CLEC18A: variants seen among roughly 807,000 people sequenced by gnomAD.
The protein encoded by CLEC18A is mannose receptor-like 1.
CLEC18A carries 5 observed loss-of-function variants against 24.0 expected under a neutral mutation model. That is an observed-to-expected ratio of 0.21 (90% CI 0.11 to 0.44). The LOEUF (loss-of-function observed/expected upper bound fraction) is 0.44. Ranked by LOEUF, CLEC18A falls within the 20% of genes least tolerant of loss-of-function variation. The pLI is 0.99. For synonymous variants in CLEC18A, 29 were observed against 100.1 expected, an observed-to-expected ratio of 0.29 and a Z score of 4.24; for missense variants, 83 against 233.4, an observed-to-expected ratio of 0.36 and a Z score of 4.20.
At chr16:69,946,326 G>A (rs548898639), upstream of CLEC18A, among the ~76,000 whole-genome samples, 3 of 140,840 alleles carry the variant, frequency 2.1e-5, no homozygotes, top group South Asian at 6.8e-4. Context: ...AATGTGAAAT[G>A]TCTATGCATT....
At chr16:69,954,181 G>A (rs1225176712) in intron 2 of CLEC18A, among the ~76,000 whole-genome samples, 153 bp from the exon 3 acceptor site, 1 of 144,524 alleles carries the variant, frequency 6.9e-6, no homozygotes, top group Non-Finnish European at 1.5e-5. Flanking sequence ...GACAACACCA[G>A]TGCTTCCTCC....
At chr16:69,943,581 A>G in the CLEC18A span, among the ~76,000 whole-genome samples, 1 of 152,226 alleles carries the variant, frequency 6.6e-6, no homozygotes, top group Non-Finnish European at 1.5e-5. Flanking sequence ...TATTCCACTT[A>G]ACATAATGTC....
intron 3 of CLEC18A, among the ~76,000 whole-genome samples, chr16:69,955,892 C>A (rs2059027862): frequency 6.6e-6 from 1 of 151,948 alleles, no homozygotes; most frequent in Non-Finnish European, 1.5e-5. Context: ...AAAACACAAG[C>A]AAAATCCCAG....
At chr16:69,944,677 A>G in the CLEC18A span, among the ~76,000 whole-genome samples, 1 of 150,554 alleles carries the variant, frequency 6.6e-6, no homozygotes, top group African/African-American at 2.5e-5. Flanking sequence ...TCTACTAAAG[A>G]TACAAAAAGT....
intron 2 of CLEC18A, chr16:69,953,795 A>G (rs1358877706): frequency 6.5e-6 from 1 of 153,534 alleles, no homozygotes; most frequent in African/African-American, 2.9e-5. Flanking sequence ...AGCCTGGGCG[A>G]CAGGGTGAGA....
At chr16:69,966,532 G>A (rs1173727332), downstream of CLEC18A, among the ~76,000 whole-genome samples, 1 of 144,378 alleles carries the variant, frequency 6.9e-6, no homozygotes, top group Admixed American at 7.0e-5. Context: ...CCATGGCAAC[G>A]CCAGAATGTT....
chr16:69,944,602 G>A, the CLEC18A span, among the ~76,000 whole-genome samples: 1 of 151,950 alleles, frequency 6.6e-6, no homozygotes, highest in Non-Finnish European at 1.5e-5. Context: ...CACTTTGGGA[G>A]GCCAAGGCAG....
At chr16:69,954,766 C>T (rs1387745480) in intron 3 of CLEC18A, among the ~76,000 whole-genome samples, 193 bp downstream of exon 3, 55 of 152,092 alleles carry the variant, frequency 3.6e-4, no homozygotes, top group South Asian at 8.3e-4. Context: ...GGCGTGATCT[C>T]GGCTCACTGC....
chr16:69,954,495 A>G lies in CLEC18A; in HGVS notation c.378A>G (p.Leu126=), dbSNP rs1301660629. 1.4e-5 allele frequency: 23 copies of G among 1,612,220 alleles called. No individual in the cohort carries two copies. Among genetic ancestry groups the G allele is most frequent in the East Asian group, 4.5e-5 (2 of 44,882 alleles). ...GLVSFVEVVS[L]WFAEGQRYSH... is the part of the protein sequence containing the mutation. ...TGTCCTTTGTCGAAGTGGTCAGCCT[A>G]TGGTTTGCAGAGGGGCAGCGGTACA... Residue 126 remains leucine, a synonymous_variant, in exon 3 of 12, where the codon CTA becomes CTG. Coordinates refer to ENST00000288040, the MANE Select transcript of CLEC18A (RefSeq NM_001370523.4).
At chr16:69,954,864 A>C (rs559578560) in intron 3 of CLEC18A, among the ~76,000 whole-genome samples, 2 of 152,096 alleles carry the variant, frequency 1.3e-5, no homozygotes, top group East Asian at 3.9e-4. Flanking sequence ...GGCCTGGCTA[A>C]TGGCTTTATA....
downstream of CLEC18A, among the ~76,000 whole-genome samples, chr16:69,965,195 G>A (rs1959336811): frequency 6.6e-6 from 1 of 151,830 alleles, no homozygotes. Flanking sequence ...GACCTACGCG[G>A]GGTGATCACA....
Position 69,954,381 on chromosome 16 carries a change from C to G in CLEC18A, c.264C>G (p.Leu88=), listed in dbSNP as rs1265660507. The G allele has an allele frequency of 1.2e-6, 2 of 1,609,156 alleles. No homozygotes were observed. Among genetic ancestry groups the G allele is most frequent in the Admixed American group, 3.4e-5 (2 of 59,602 alleles). ...LAQLAQARAA[L]CGTPTPSLAS... ...AGCTGGCTCAAGCCAGGGCAGCCCT[C>G]TGTGGAACCCCAACCCCGAGCCTGG... Residue 88 remains leucine (L), a synonymous_variant, in exon 3 of 12, where the codon CTC becomes CTG. Coordinates refer to ENST00000288040, the MANE Select transcript of CLEC18A (RefSeq NM_001370523.4).
intron 3 of CLEC18A, among the ~76,000 whole-genome samples, chr16:69,955,509 C>T (rs915444562): frequency 5.5e-4 from 83 of 151,440 alleles, no homozygotes; most frequent in African/African-American, 2.0e-3. Context: ...AGCCACCACA[C>T]CCCACTAATT....
At chr16:69,949,187 A>G (rs2058922255), upstream of CLEC18A, among the ~76,000 whole-genome samples, 1 of 107,654 alleles carries the variant, frequency 9.3e-6, no homozygotes, top group Non-Finnish European at 1.8e-5. Flanking sequence ...CCTGACCTCA[A>G]GTGATCCGCC....
Position 69,954,107 on chromosome 16 carries a change from C to T in CLEC18A, c.217-227C>T, listed in dbSNP as rs1358030243. 3.6e-5 allele frequency among the ~76,000 whole-genome samples: 5 copies of T among 137,912 alleles called. No individual in the cohort carries two copies. In the East Asian group the frequency reaches 6.3e-4, roughly 17 times the overall value. The allele number at this position is 137,912 out of a possible 152,430, so 90.5% of individuals were successfully genotyped here. A position where few individuals can be genotyped will look rare whatever the true frequency, so the allele number is the denominator to read the frequency against. On this transcript the variant is annotated intron_variant, in intron 2 of 11. Transcript: ENST00000288040. ...CCTGGGCAGGGCCGAAGGATGCCCA[C>T]GACAGGATTTGGAGATGGAGGCTCA...
In CLEC18A at chr16:69,953,859, T is replaced by C. The variant is rs1479728631; in HGVS notation, c.217-475T>C. ...AAGAGGGAGGGGGCGGGGTCAGCTG[T>C]GCGTGGTGGGGAGCATATGAGGCCG... On this transcript the variant is annotated intron_variant, in intron 2 of 11. Transcript: ENST00000288040. 1.5e-5 allele frequency: 3 copies of C among 195,236 alleles called. No individual in the cohort carries two copies. The East Asian group carries it at 3.6e-4, about 24-fold the overall frequency. The allele number at this position is 195,236 out of a possible 1,614,324, so 12.1% of individuals were successfully genotyped here. A position where few individuals can be genotyped will look rare whatever the true frequency, so the allele number is the denominator to read the frequency against.
At chr16:69,948,374 G>GTT (rs59792189), upstream of CLEC18A, among the ~76,000 whole-genome samples, 94,523 of 126,224 alleles carry the variant, frequency 0.75, 35,711 homozygotes, top group East Asian at 0.93. Context: ...AGAGTTAAAT[G>GTT]TTTTTTTTGT....
At chr16:69,964,467 C>CATTT, downstream of CLEC18A, 1 of 131,446 alleles carries the variant, frequency 7.6e-6, no homozygotes, top group South Asian at 2.5e-4. Context: ...GTCTGGCTGT[C>CATTT]ATTTATTTAT....
rs548349245 is a variant in CLEC18A, at chr16:69,953,894, G to A, written c.217-440G>A. ...GGAGCATATGAGGCCGGGCTCCTGG[G>A]GGCAGGAGACTAGGGCAGAGAGGCG... is the stretch of plus-strand genomic sequence containing the variant. On this transcript the variant is annotated intron_variant, in intron 2 of 11. Coordinates refer to ENST00000288040, the MANE Select transcript of CLEC18A (RefSeq NM_001370523.4). The A allele has an allele frequency of 1.7e-3, 500 of 298,986 alleles. 3 individuals carry two copies. Among genetic ancestry groups the A allele is most frequent in the Non-Finnish European group, 2.2e-3 (336 of 155,612 alleles). 18.5% of individuals were successfully genotyped at this position (298,986 alleles called of 1,614,324 possible).
Sources: gnomAD v4.1 joint callset for allele counts (sites outside exome capture counted in the v4.1 genomes callset) on GRCh38, gnomAD v4.1.1 for gene constraint, MANE v1.5 for transcripts, NCBI Gene and HGNC (gene_info 2026-07-23, HGNC 2026-07-21) for gene names.